The following COL24A1 variants were observed in gnomAD, a reference collection of about 807,000 sequenced individuals.
COL24A1 encodes the protein collagen type XXIV alpha 1 chain.
Under a neutral mutation model 253.9 loss-of-function variants are expected in COL24A1, and 224 were observed. The ratio of observed to expected loss-of-function variants is 0.88; its 90% CI spans 0.79 to 0.99. The LOEUF is 0.99. Among genes scored for constraint, COL24A1 ranks in the 50% least tolerant of loss-of-function variants. The pLI, the probability that COL24A1 is intolerant of heterozygous loss-of-function variation, is 0.00. For missense variants in COL24A1, 2,131 were observed against 2,068.5 expected (o/e 1.03, Z -0.59); for synonymous variants, 685 against 673.7 (o/e 1.02, Z -0.26).
At chr1:85,973,458 G>A (rs1399202182) in intron 20 of COL24A1, among the ~76,000 whole-genome samples, 3 of 152,128 alleles carry the variant, frequency 2.0e-5, no homozygotes, top group African/African-American at 7.2e-5. Flanking sequence ...GGGAGGATTA[G>A]CATATTTTTA....
At chr1:85,886,517 T>C (rs1285045347) in intron 32 of COL24A1, among the ~76,000 whole-genome samples, 2 of 151,564 alleles carry the variant, frequency 1.3e-5, no homozygotes, top group African/African-American at 2.4e-5. Context: ...TACAAAAAAT[T>C]ATTGGGGCGT....
Position 85,771,730 on chromosome 1 carries a change from C to T in COL24A1, c.4374+3944G>A, listed in dbSNP as rs531544922. Among the ~76,000 whole-genome samples the T allele has an allele frequency of 3.4e-4, 52 of 152,010 alleles. 1 individual carries two copies. In the East Asian group the frequency reaches 6.4e-3, roughly 19 times the overall value. On this transcript the variant is annotated intron_variant, in intron 53 of 59. Transcript: ENST00000370571. ...TACACTCCCTCCAACAGTGTAAAAGCGTTCCTATTTCTCCACAACCTCTCC... is the reference window on the plus strand; with the variant it reads ...TACACTCCCTCCAACAGTGTAAAAGTGTTCCTATTTCTCCACAACCTCTCC...
intron 53 of COL24A1, among the ~76,000 whole-genome samples, chr1:85,774,062 TGA>T (rs1668267374): frequency 6.6e-6 from 1 of 152,212 alleles, no homozygotes. Flanking sequence ...TCTGGTTTAC[TGA>T]GAGTTTTGGC....
intron 7 of COL24A1, among the ~76,000 whole-genome samples, chr1:86,071,734 A>T (rs983076963): frequency 6.6e-6 from 1 of 152,300 alleles, no homozygotes; most frequent in Admixed American, 6.5e-5. Context: ...ACCCAGATAA[A>T]TAAAGAAAAC....
At chr1:85,761,927 A>C (rs1034200167) in intron 53 of COL24A1, among the ~76,000 whole-genome samples, 2 of 152,202 alleles carry the variant, frequency 1.3e-5, no homozygotes, top group African/African-American at 4.8e-5. Context: ...GTTCTTAGAC[A>C]CATTAATTTC....
At chr1:86,060,179 A>G (rs773132707) in intron 8 of COL24A1, among the ~76,000 whole-genome samples, 2 of 152,124 alleles carry the variant, frequency 1.3e-5, no homozygotes, top group Non-Finnish European at 2.9e-5. Context: ...GAGACAAAAT[A>G]TTATAACTTT....
At chr1:85,882,845 T>C (rs541002142) in intron 32 of COL24A1, among the ~76,000 whole-genome samples, 2 of 152,352 alleles carry the variant, frequency 1.3e-5, no homozygotes, top group Admixed American at 6.5e-5. Flanking sequence ...CTGCTATCAT[T>C]GCACCATGTC....
chr1:86,022,444 T>C lies in COL24A1; in HGVS notation c.2202+94A>G. The C allele has an allele frequency of 2.3e-6, 3 of 1,330,762 alleles. No homozygotes were observed. The Middle Eastern group carries it at 5.9e-4, about 260-fold the overall frequency. The allele number at this position is 1,330,762 out of a possible 1,614,324, so 82.4% of individuals were successfully genotyped here. On this transcript the variant is annotated intron_variant, in intron 17 of 59. Coordinates refer to ENST00000370571, the MANE Select transcript of COL24A1 (RefSeq NM_152890.7). ...AACTTAAAACCATATTGATACCACA[T>C]TCTAACACAATACATGGATAAAATA...
At chr1:86,035,097 A>G (rs1224193927) in intron 12 of COL24A1, among the ~76,000 whole-genome samples, 1 of 152,178 alleles carries the variant, frequency 6.6e-6, no homozygotes, top group Non-Finnish European at 1.5e-5. Flanking sequence ...GAAAAAATGT[A>G]CAATGTTTCT....
In COL24A1 at chr1:85,971,344, GTTCC is replaced by G; in HGVS notation, c.2410_2413del (p.Gly804LeufsTer34). ...TGGATATCACTTCTTCCATACCTGA[GTTCC>G]TTTGAGACCAGGAGGTCCAGGAGGT... On this transcript the variant is annotated frameshift_variant, in exon 21 of 60. Coordinates refer to ENST00000370571, the MANE Select transcript of COL24A1 (RefSeq NM_152890.7). LOFTEE classifies it high-confidence loss of function. 3 of 1,612,314 alleles carry G rather than the reference GTTCC, an allele frequency of 1.9e-6. No homozygotes were observed. The highest frequency in any genetic ancestry group is 2.5e-6 in the Non-Finnish European group (3 of 1,179,242).
chr1:85,810,789 A>G (rs1206377983), intron 47 of COL24A1, among the ~76,000 whole-genome samples: 3 of 152,184 alleles, frequency 2.0e-5, no homozygotes, highest in Non-Finnish European at 2.9e-5. Flanking sequence ...TAAAAGCTGA[A>G]TAGGTTCCAG....
intron 31 of COL24A1, among the ~76,000 whole-genome samples, chr1:85,889,995 A>C (rs1682941346): frequency 6.6e-6 from 1 of 152,048 alleles, no homozygotes; most frequent in African/African-American, 2.4e-5. Flanking sequence ...TATTAGTGAG[A>C]TCATACAATA....
intron 43 of COL24A1, among the ~76,000 whole-genome samples, chr1:85,833,276 A>C (rs1366949090): frequency 1.3e-5 from 2 of 152,246 alleles, no homozygotes; most frequent in Non-Finnish European, 2.9e-5. Flanking sequence ...TTTACAAGAA[A>C]AAAACAACCC....
In COL24A1 at chr1:85,987,646, T is replaced by A; in HGVS notation, c.2319A>T (p.Pro773=). 6.2e-7 allele frequency: 1 copy of A among 1,609,836 alleles called. No individual in the cohort carries two copies. The highest frequency in any genetic ancestry group is 8.5e-7 in the Non-Finnish European group (1 of 1,177,476). Residue 773 remains proline, a synonymous_variant, in exon 20 of 60, where the codon CCA becomes CCT. Coordinates refer to ENST00000370571, the MANE Select transcript of COL24A1 (RefSeq NM_152890.7). ...TTTGTCCAGGAATCCCAATATCTCC[T>A]GGAAAACCCTAGGGAATATAAAAAT... ...PSGPPGPEGF[P]GDIGIPGQNG... is the part of the protein sequence containing the mutation.
intron 20 of COL24A1, 68 bp downstream of exon 20, chr1:85,987,533 C>T (rs1693828432): frequency 7.6e-7 from 1 of 1,319,826 alleles, no homozygotes; most frequent in East Asian, 2.3e-5. Flanking sequence ...ATATTTTTCC[C>T]ATTTATTGAG....
chr1:85,954,538 A>C (rs1178666676), intron 24 of COL24A1, among the ~76,000 whole-genome samples: 1 of 152,232 alleles, frequency 6.6e-6, no homozygotes, highest in East Asian at 1.9e-4. Context: ...TAGGAATAAT[A>C]ATCATTATTT....
Position 85,730,712 on chromosome 1 carries a change from T to C in COL24A1, c.4999-20A>G. 6.2e-7 allele frequency: 1 copy of C among 1,613,116 alleles called. No homozygotes were observed. Among genetic ancestry groups the C allele is most frequent in the Non-Finnish European group, 8.5e-7 (1 of 1,179,526 alleles). On this transcript the variant is annotated intron_variant, in intron 59 of 59. Coordinates refer to ENST00000370571, the MANE Select transcript of COL24A1 (RefSeq NM_152890.7). ...TTGAATCTGTAAAATAAGAACAAAA[T>C]GCTTTCATACGCATTTCATTAGCAG...
At chr1:86,056,521 T>C (rs1700672612) in intron 10 of COL24A1, among the ~76,000 whole-genome samples, 1 of 152,226 alleles carries the variant, frequency 6.6e-6, no homozygotes, top group Admixed American at 6.5e-5. Flanking sequence ...ACATCATTAT[T>C]GCACATATTG....
At chr1:85,920,208 A>G (rs934666930) in intron 24 of COL24A1, among the ~76,000 whole-genome samples, 1 of 152,208 alleles carries the variant, frequency 6.6e-6, no homozygotes, top group African/African-American at 2.4e-5. Flanking sequence ...ATCTAACACA[A>G]AGGCAGAAGA....
Sources: allele counts gnomAD v4.1 joint callset (sites outside exome capture counted in the v4.1 genomes callset), GRCh38; gene constraint gnomAD v4.1.1; transcripts MANE v1.5; gene names NCBI Gene and HGNC (gene_info 2026-07-23, HGNC 2026-07-21).